RASL12: variants seen among roughly 807,000 people sequenced by gnomAD.
RASL12 encodes ras-like protein family member 12.
In RASL12, 16 loss-of-function variants were observed where a neutral mutation model predicts 22.9. The ratio of observed to expected loss-of-function variants is 0.70; its 90% confidence interval spans 0.47 to 1.06. The LOEUF is 1.06. Ranked by LOEUF, RASL12 falls within the 50% of genes least tolerant of loss-of-function variation. The pLI is 0.00. For missense variants in RASL12, 306 were observed against 353.1 expected (o/e 0.87, Z 1.07); for synonymous variants, 159 against 152.2 (o/e 1.04, Z -0.33).
rs138029488 is a variant in RASL12 at position 65,057,735 on chromosome 15, A to C, written c.425+692T>G. Among the ~76,000 whole-genome samples the C allele has an allele frequency of 1.1e-4, 16 of 152,278 alleles. No individual in the cohort carries two copies. In the East Asian group the frequency reaches 3.1e-3, roughly 29 times the overall value. The stretch of plus-strand genomic sequence containing the variant: ...GAGCAGACACCTGACCAAGGAGCCC[A>C]TCAGAGCCTCTCTCCTTAGAATTGG... On this transcript the variant is annotated intron_variant, in intron 4 of 4. Transcript: ENST00000220062.
intron 3 of RASL12, among the ~76,000 whole-genome samples, chr15:65,058,893 C>A (rs948561743): frequency 1.3e-5 from 2 of 152,276 alleles, no homozygotes; most frequent in South Asian, 4.1e-4. Flanking sequence ...AGAGACCTGG[C>A]TGTCCCTGGG....
chr15:65,060,267 C>G (rs2086785892), intron 2 of RASL12, among the ~76,000 whole-genome samples: 1 of 152,152 alleles, frequency 6.6e-6, no homozygotes, highest in Non-Finnish European at 1.5e-5. Context: ...GATGGTGTTC[C>G]AAAGTTAATA....
At position 65,054,282 on chromosome 15, in the gene RASL12, C is replaced by G; in HGVS notation, c.*617G>C. On this transcript the variant is annotated 3_prime_UTR_variant, in exon 5 of 5. Transcript: ENST00000220062. ...TCCCTCCCTTTTATCCTCATTGAGA[C>G]GCCAAGTGTTGGAAATACCCCTTCC... 2.0e-6 allele frequency: 2 copies of G among 985,898 alleles called. No homozygotes were observed. Among genetic ancestry groups the G allele is most frequent in the South Asian group, 9.4e-5 (2 of 21,288 alleles). The allele number at this position is 985,898 out of a possible 1,614,324, so 61.1% of individuals were successfully genotyped here. A position where few individuals can be genotyped will look rare whatever the true frequency, so the allele number is the denominator to read the frequency against.
chr15:65,072,615 T>C (rs530490388), upstream of RASL12, among the ~76,000 whole-genome samples: 1 of 152,268 alleles, frequency 6.6e-6, no homozygotes, highest in South Asian at 2.1e-4. Context: ...AGATAATTAT[T>C]AAGCTCCATT....
chr15:65,050,191 TC>T, downstream of RASL12: 1 of 1,001,378 alleles, frequency 1.0e-6, no homozygotes, highest in Non-Finnish European at 1.5e-6. Context: ...TGTCGTCCCC[TC>T]CAGGTCAGGC....
chr15:65,063,878 C>T (rs1202726309), intron 2 of RASL12, among the ~76,000 whole-genome samples: 23 of 152,176 alleles, frequency 1.5e-4, no homozygotes, highest in Admixed American at 1.4e-3. Flanking sequence ...GCGGCAGGAG[C>T]GCTGGATCAG....
chr15:65,052,978 G>A (rs1329928303), downstream of RASL12: 25 of 1,612,090 alleles, frequency 1.6e-5, no homozygotes, highest in Non-Finnish European at 1.9e-5. Flanking sequence ...AAGAAAAGAT[G>A]CAGCCACCAG....
downstream of RASL12, among the ~76,000 whole-genome samples, chr15:65,050,824 C>CT (rs1396278283): frequency 8.7e-5 from 10 of 114,932 alleles, no homozygotes; most frequent in South Asian, 3.1e-4. Context: ...TTTTTTCTTT[C>CT]TTCTTCTTCT....
At position 65,055,102 on chromosome 15, in the gene RASL12, C is replaced by T. The variant is rs766863794; in HGVS notation, c.598G>A (p.Glu200Lys). 2.9e-5 allele frequency: 46 copies of T among 1,610,992 alleles called. No individual in the cohort carries two copies. Among genetic ancestry groups the T allele is most frequent in the Admixed American group, 1.3e-4 (8 of 59,682 alleles). Residue 200 changes from glutamate to lysine, a missense_variant, in exon 5 of 5, where the codon GAG (glutamate) becomes AAG (lysine). By Grantham distance (56) the Glu-to-Lys change is moderately conservative. Coordinates refer to ENST00000220062, the MANE Select transcript of RASL12 (RefSeq NM_016563.4). The part of the protein sequence containing the change: ...SPLTRPLFIS[E>K]ERALPHQAPL... ...GCCTGGTGGGGCAGGGCCCTCTCCT[C>T]GGAGATGAAGAGGGGCCGGGTCAGG...
At chr15:65,065,775 G>C (rs1010142426) in intron 1 of RASL12, among the ~76,000 whole-genome samples, 2 of 152,174 alleles carry the variant, frequency 1.3e-5, no homozygotes, top group African/African-American at 4.8e-5. Context: ...GGGCTTTCCA[G>C]GTAAGGTCCA....
At chr15:65,074,678 T>G (rs1216245419) in intron 1 of RASL12, among the ~76,000 whole-genome samples, 1 of 152,202 alleles carries the variant, frequency 6.6e-6, no homozygotes, top group African/African-American at 2.4e-5. Context: ...ATTACAGGAA[T>G]GAGCCACCGT....
chr15:65,054,577 G>A lies in RASL12; in HGVS notation c.*322C>T. The A allele has an allele frequency of 8.9e-7, 1 of 1,127,530 alleles. No individual in the cohort carries two copies. The highest frequency in any genetic ancestry group is 1.1e-6 in the Non-Finnish European group (1 of 918,256). 69.8% of individuals were successfully genotyped at this position (1,127,530 alleles called of 1,614,324 possible). On this transcript the variant is annotated 3_prime_UTR_variant, in exon 5 of 5. Transcript: ENST00000220062. The stretch of plus-strand genomic sequence containing the variant: ...GCTGGCCCAACTGTAGCTGGAGCAG[G>A]AAGGGCTGATGGCAGCAGGATAGAC...
At chr15:65,061,385 T>G (rs2086802369) in intron 2 of RASL12, among the ~76,000 whole-genome samples, 1 of 152,190 alleles carries the variant, frequency 6.6e-6, no homozygotes, top group Admixed American at 6.5e-5. Context: ...TCGCCCAGTC[T>G]GGTGGGGATG....
rs544253961 is a variant in RASL12 at position 65,065,351 on chromosome 15, A to G, written c.104-78T>C. 4 of 1,348,756 alleles carry G rather than the reference A, an allele frequency of 3.0e-6. No individual in the cohort carries two copies. The African/African-American group carries it at 5.8e-5, about 19-fold the overall frequency. The allele number at this position is 1,348,756 out of a possible 1,614,324, so 83.5% of individuals were successfully genotyped here. The stretch of plus-strand genomic sequence containing the variant: ...TGGCCCCTCGTTTAAGGGAGGCCTT[A>G]TCTAACCTCTGTGATCCCCGGCTGA... On this transcript the variant is annotated intron_variant, in intron 1 of 4. Transcript: ENST00000220062.
chr15:65,065,478 T>C (rs1025949337), intron 1 of RASL12, among the ~76,000 whole-genome samples: 4 of 151,976 alleles, frequency 2.6e-5, no homozygotes, highest in East Asian at 1.9e-4. Flanking sequence ...GTGCCTCTAA[T>C]TGCACCGTGG....
At chr15:65,066,191 GAA>G (rs1330158750) in intron 1 of RASL12, among the ~76,000 whole-genome samples, 1 of 149,060 alleles carries the variant, frequency 6.7e-6, no homozygotes, top group East Asian at 1.9e-4. Flanking sequence ...AGGGAAAAGA[GAA>G]AGAGAAAAAG....
chr15:65,047,196 T>C, the RASL12 span, among the ~76,000 whole-genome samples: 1 of 149,606 alleles, frequency 6.7e-6, no homozygotes, highest in African/African-American at 2.5e-5. Flanking sequence ...ATTAGCCAGG[T>C]GTGGTGGCAC....
rs942613705 is a variant in RASL12, at chr15:65,054,217, T to C, written c.*682A>G. The C allele has an allele frequency of 3.0e-6, 3 of 985,842 alleles. No individual in the cohort carries two copies. In the African/African-American group the frequency reaches 5.2e-5, roughly 17 times the overall value. The allele number at this position is 985,842 out of a possible 1,614,324, so 61.1% of individuals were successfully genotyped here. Reference sequence around the variant, plus strand: ...AACACATGGAGAATCTGTCTGCTGGTGAAAGAACTCTGGGGCTCCTTATGC... The same window carrying C: ...AACACATGGAGAATCTGTCTGCTGGCGAAAGAACTCTGGGGCTCCTTATGC... On this transcript the variant is annotated 3_prime_UTR_variant, in exon 5 of 5. Transcript: ENST00000220062.
intron 4 of RASL12, among the ~76,000 whole-genome samples, chr15:65,057,001 T>G (rs1183876620): frequency 6.6e-6 from 1 of 152,178 alleles, no homozygotes; most frequent in Non-Finnish European, 1.5e-5. Flanking sequence ...CACAATCCAG[T>G]CTTCTGACCC....
Sources: gnomAD v4.1 joint callset for allele counts (sites outside exome capture counted in the v4.1 genomes callset) on GRCh38, gnomAD v4.1.1 for gene constraint, MANE v1.5 for transcripts, NCBI Gene and HGNC (gene_info 2026-07-23, HGNC 2026-07-21) for gene names.